Variants in CELF4 observed in about 807,000 individuals in gnomAD.
CELF4 encodes the protein CUGBP Elav-like family member 4.
CELF4 carries 18 observed loss-of-function variants against 59.9 expected under a neutral mutation model. That is an observed-to-expected ratio of 0.30 (90% confidence interval 0.21 to 0.45). The LOEUF (loss-of-function observed/expected upper bound fraction) is 0.45, where lower values mean the gene tolerates loss of function less well. Among genes scored for constraint, CELF4 ranks in the 20% least tolerant of loss-of-function variants. The probability of loss-of-function intolerance (pLI) is 1.00; values close to 1 mark genes in which losing one functional copy is unlikely to be tolerated. For missense variants in CELF4, 456 were observed against 689.0 expected (o/e 0.66, Z 3.79); for synonymous variants, 261 against 267.1 (o/e 0.98, Z 0.22).
rs2067584566 is a variant in CELF4 at position 37,254,181 on chromosome 18, C to T, written c.1334-243G>A. ...CTGCGCCTAGTCTCTGGCCGCGTCA[C>T]TCGCCCGGCGCCCGCTCCCCAAGTG... On this transcript the variant is annotated intron_variant, in intron 11 of 12. Coordinates refer to ENST00000420428, the MANE Select transcript of CELF4 (RefSeq NM_020180.4). The surrounding 1 kb of genome is among the most constrained non-coding windows in gnomAD (Gnocchi z 5.1). Among the ~76,000 whole-genome samples, 1 of 151,156 alleles carries T rather than the reference C, an allele frequency of 6.6e-6. No individual in the cohort carries two copies. Among genetic ancestry groups the T allele is most frequent in the African/African-American group, 2.4e-5 (1 of 41,312 alleles).
chr18:37,504,916 A>G (rs1436473470), intron 1 of CELF4, among the ~76,000 whole-genome samples: 3 of 152,246 alleles, frequency 2.0e-5, no homozygotes, highest in Non-Finnish European at 4.4e-5. Flanking sequence ...GGCCTGAGCC[A>G]CAAACAATTT....
intron 3 of CELF4, among the ~76,000 whole-genome samples, chr18:37,311,827 A>T (rs528086672): frequency 7.5e-6 from 1 of 133,902 alleles, no homozygotes; most frequent in South Asian, 2.5e-4. Context: ...AGGAACAGGG[A>T]TCGTCCGGGC....
At chr18:37,444,050 A>G (rs1569569437) in intron 2 of CELF4, among the ~76,000 whole-genome samples, 1 of 152,246 alleles carries the variant, frequency 6.6e-6, no homozygotes, top group Admixed American at 6.5e-5. Context: ...GGGGCCAGTT[A>G]CTAACTTCTC....
At chr18:37,538,411 A>T (rs945877901) in intron 1 of CELF4, among the ~76,000 whole-genome samples, 17 of 152,062 alleles carry the variant, frequency 1.1e-4, no homozygotes, top group Admixed American at 6.5e-4. Context: ...TCCTCTCCCG[A>T]GCCGTCTTAC....
At chr18:37,318,230 C>T (rs1464656379) in intron 3 of CELF4, among the ~76,000 whole-genome samples, 1 of 152,012 alleles carries the variant, frequency 6.6e-6, no homozygotes, top group African/African-American at 2.4e-5. Flanking sequence ...TCCCCTCGCA[C>T]CACTGTGCCC....
chr18:37,560,764 G>A (rs1459308330), intron 1 of CELF4, among the ~76,000 whole-genome samples: 4 of 152,144 alleles, frequency 2.6e-5, no homozygotes, highest in African/African-American at 7.2e-5. Flanking sequence ...ATCACATAGA[G>A]CCTCACAGTT....
chr18:37,397,381 C>A (rs931439434), intron 2 of CELF4, among the ~76,000 whole-genome samples: 1 of 152,306 alleles, frequency 6.6e-6, no homozygotes, highest in Non-Finnish European at 1.5e-5. Flanking sequence ...TCCCTGCCCC[C>A]CAGGAGTTTC....
chr18:37,390,294 G>C (rs2099145141), intron 2 of CELF4, among the ~76,000 whole-genome samples: 1 of 152,198 alleles, frequency 6.6e-6, no homozygotes, highest in Non-Finnish European at 1.5e-5. Context: ...GCCCCCGACA[G>C]CTCCCAGAGC....
At chr18:37,392,989 G>T (rs946790514) in intron 2 of CELF4, among the ~76,000 whole-genome samples, 9 of 152,320 alleles carry the variant, frequency 5.9e-5, no homozygotes, top group African/African-American at 2.2e-4. Context: ...TCCCTGTGGT[G>T]CCCCATGCCC....
At chr18:37,555,944 G>C (rs903887611) in intron 1 of CELF4, among the ~76,000 whole-genome samples, 1 of 152,154 alleles carries the variant, frequency 6.6e-6, no homozygotes, top group Non-Finnish European at 1.5e-5. Context: ...GTGTATGTAA[G>C]TGTGCGTGTG....
intron 11 of CELF4, among the ~76,000 whole-genome samples, chr18:37,255,890 A>C (rs572099930): frequency 1.3e-5 from 2 of 152,316 alleles, no homozygotes; most frequent in African/African-American, 4.8e-5. Context: ...AGGCAGAACC[A>C]CTGTGTGGGG....
chr18:37,342,861 C>T (rs773239252), intron 2 of CELF4, among the ~76,000 whole-genome samples: 3 of 152,228 alleles, frequency 2.0e-5, no homozygotes, highest in South Asian at 2.1e-4. Context: ...TGGGTTGCAG[C>T]GTGAAGGATT....
At chr18:37,425,199 G>A (rs747284615) in intron 2 of CELF4, among the ~76,000 whole-genome samples, 4 of 152,342 alleles carry the variant, frequency 2.6e-5, no homozygotes, top group East Asian at 1.9e-4. Context: ...GAAGGTGCTC[G>A]GCCATGACTG....
At chr18:37,403,477 T>C (rs1287582021) in intron 2 of CELF4, among the ~76,000 whole-genome samples, 3 of 152,144 alleles carry the variant, frequency 2.0e-5, no homozygotes, top group Non-Finnish European at 1.5e-5. Context: ...CAGGGAGGGC[T>C]GGGGACAAAT....
At chr18:37,321,739 C>G (rs561309654) in intron 3 of CELF4, 64 bp downstream of exon 3, 1 of 1,206,244 alleles carries the variant, frequency 8.3e-7, no homozygotes, top group African/African-American at 1.5e-5. Context: ...CGCCTTGCTG[C>G]GTCGGGAAAA....
At chr18:37,552,970 C>T (rs1481201581) in intron 1 of CELF4, among the ~76,000 whole-genome samples, 1 of 152,250 alleles carries the variant, frequency 6.6e-6, no homozygotes, top group African/African-American at 2.4e-5. Flanking sequence ...GCTTTTCTCG[C>T]ACTGAGACAT....
At chr18:37,268,987 G>A (rs1181680155) in intron 8 of CELF4, among the ~76,000 whole-genome samples, 1 of 152,124 alleles carries the variant, frequency 6.6e-6, no homozygotes, top group Non-Finnish European at 1.5e-5. Flanking sequence ...TTCCATGAGG[G>A]AAATAGCTCA....
At chr18:37,497,974 A>G (rs1470969104) in intron 1 of CELF4, among the ~76,000 whole-genome samples, 1 of 152,090 alleles carries the variant, frequency 6.6e-6, no homozygotes, top group African/African-American at 2.4e-5. Context: ...AGTGTGTGAG[A>G]TGGGTAGGCT....
At position 37,243,593 on chromosome 18, in the gene CELF4, T is replaced by TGGAGG. The variant is rs2061003438; in HGVS notation, c.*1648_*1649insCCTCC. 6.6e-6 allele frequency: 1 copy of TGGAGG among 152,224 alleles called. No homozygotes were observed. Among genetic ancestry groups the TGGAGG allele is most frequent in the Non-Finnish European group, 1.5e-5 (1 of 68,042 alleles). 9.4% of individuals were successfully genotyped at this position (152,224 alleles called of 1,614,324 possible). A position where few individuals can be genotyped will look rare whatever the true frequency, so the allele number is the denominator to read the frequency against. On this transcript the variant is annotated 3_prime_UTR_variant, in exon 13 of 13. Coordinates refer to ENST00000420428, the MANE Select transcript of CELF4 (RefSeq NM_020180.4). ...GCTTTCATTAAATAGTTTTCCTTGT[T>TGGAGG]TTTTTCTCTATCATTACAATTAAAA...
Sources: allele counts gnomAD v4.1 joint callset (sites outside exome capture counted in the v4.1 genomes callset), GRCh38; gene constraint gnomAD v4.1.1; non-coding constraint Gnocchi (gnomAD v3.1); transcripts MANE v1.5; gene names NCBI Gene and HGNC (gene_info 2026-07-23, HGNC 2026-07-21).